Variants in RBBP8 observed in about 807,000 individuals in gnomAD.
RBBP8 encodes DNA endonuclease RBBP8.
Under a neutral mutation model 108.3 loss-of-function variants are expected in RBBP8, and 88 were observed. That is an observed-to-expected ratio of 0.81 (90% CI 0.68 to 0.97). The LOEUF is 0.97. Among genes scored for constraint, RBBP8 ranks in the 50% least tolerant of loss-of-function variants. The pLI is 0.00. For synonymous variants in RBBP8, 332 were observed against 348.2 expected (o/e 0.95, Z 0.52); for missense variants, 1,023 against 1,049.0 (o/e 0.98, Z 0.34).
At chr18:22,980,544 G>A (rs1914837984) in intron 6 of RBBP8, among the ~76,000 whole-genome samples, 1 of 152,074 alleles carries the variant, frequency 6.6e-6, no homozygotes, top group Admixed American at 6.6e-5. Flanking sequence ...GAGTGTGGCA[G>A]GAGTAGAGTA....
At chr18:22,994,349 A>G (rs1329154968) in intron 12 of RBBP8, among the ~76,000 whole-genome samples, 6 of 148,234 alleles carry the variant, frequency 4.0e-5, no homozygotes, top group Non-Finnish European at 9.0e-5. Flanking sequence ...AAACTCCTTT[A>G]AAAACATTGT....
chr18:22,980,592 G>A (rs1050745806), intron 6 of RBBP8, among the ~76,000 whole-genome samples: 19 of 152,002 alleles, frequency 1.2e-4, no homozygotes, highest in Non-Finnish European at 2.2e-4. Flanking sequence ...AATGGGAGGG[G>A]CACCATCAGG....
intron 10 of RBBP8, 68 bp from the exon 11 acceptor site, chr18:22,992,680 C>G: frequency 7.2e-7 from 1 of 1,397,376 alleles, no homozygotes; most frequent in Non-Finnish European, 9.9e-7. Flanking sequence ...TAATCATTTG[C>G]TTCTAAGAGG....
rs1363274262 is a variant in RBBP8 at position 23,026,276 on chromosome 18, T to G, written c.*36T>G. 1 of 1,543,550 alleles carries G rather than the reference T, an allele frequency of 6.5e-7. No homozygotes were observed. Among genetic ancestry groups the G allele is most frequent in the Non-Finnish European group, 8.9e-7 (1 of 1,117,548 alleles). ...AGAAACAGAAGGATGAAGGACAGTTTTTTCCTTCTTAGTTATTTATAGTTA... is the reference window on the plus strand; with the variant it reads ...AGAAACAGAAGGATGAAGGACAGTTGTTTCCTTCTTAGTTATTTATAGTTA... On this transcript the variant is annotated 3_prime_UTR_variant, in exon 19 of 19. Transcript: ENST00000327155.
chr18:23,005,371 A>G (rs983017950), intron 15 of RBBP8, among the ~76,000 whole-genome samples: 1 of 152,176 alleles, frequency 6.6e-6, no homozygotes, highest in African/African-American at 2.4e-5. Context: ...TTGTGTACAT[A>G]TATCAGAGTA....
chr18:22,951,007 A>G (rs1337854193), intron 4 of RBBP8, among the ~76,000 whole-genome samples: 1 of 152,220 alleles, frequency 6.6e-6, no homozygotes, highest in African/African-American at 2.4e-5. Flanking sequence ...AATATTCTTC[A>G]TATGTGCAAA....
chr18:22,974,641 G>A (rs1249788527), intron 5 of RBBP8, among the ~76,000 whole-genome samples: 3 of 152,126 alleles, frequency 2.0e-5, no homozygotes, highest in Non-Finnish European at 4.4e-5. Flanking sequence ...TGTGTTTTTA[G>A]TGGAGACGGG....
Position 22,933,338 on chromosome 18 carries a change from G to C in RBBP8, c.-325G>C, listed in dbSNP as rs1018806178. On this transcript the variant is annotated 5_prime_UTR_variant, in exon 1 of 19. Transcript: ENST00000327155. ...GCAAGTGGAACTCCCGCGTGACGTC[G>C]CGCGGGCTCCCGGGCGGGGCGGGTC... 2.6e-5 allele frequency: 4 copies of C among 152,550 alleles called. No individual in the cohort carries two copies. Among genetic ancestry groups the C allele is most frequent in the Non-Finnish European group, 5.9e-5 (4 of 68,152 alleles). The allele number at this position is 152,550 out of a possible 1,614,324, so 9.4% of individuals were successfully genotyped here.
At chr18:22,969,175 G>GTT (rs112376497) in intron 5 of RBBP8, among the ~76,000 whole-genome samples, 1 of 140,170 alleles carries the variant, frequency 7.1e-6, no homozygotes, top group African/African-American at 2.6e-5. Context: ...AGCAGGTGGT[G>GTT]TTTTTTTTTT....
Position 23,001,387 on chromosome 18 carries a change from A to ATTTG in RBBP8, c.2144-196_2144-193dup, listed in dbSNP as rs1351609657. Among the ~76,000 whole-genome samples, 3 of 152,228 alleles carry ATTTG rather than the reference A, an allele frequency of 2.0e-5. No individual in the cohort carries two copies. The East Asian group carries it at 5.8e-4, about 29-fold the overall frequency. On this transcript the variant is annotated intron_variant, in intron 14 of 18. Coordinates refer to ENST00000327155, the MANE Select transcript of RBBP8 (RefSeq NM_002894.3). ...ACATAGATAAACACGTGTCATGGGAATTTGTTGCACATATTATTACATTAC... is the reference window on the plus strand; with the variant it reads ...ACATAGATAAACACGTGTCATGGGAATTTGTTTGTTGCACATATTATTACATTAC...
chr18:22,989,967 C>T (rs1214024829), intron 9 of RBBP8, among the ~76,000 whole-genome samples: 2 of 152,172 alleles, frequency 1.3e-5, no homozygotes, highest in Non-Finnish European at 2.9e-5. Context: ...CCACATCCAG[C>T]TGTACTCTTA....
intron 12 of RBBP8, among the ~76,000 whole-genome samples, chr18:22,995,567 A>G (rs2045841162): frequency 1.3e-5 from 2 of 152,146 alleles, no homozygotes; most frequent in African/African-American, 2.4e-5. Flanking sequence ...TTCCTTCCCC[A>G]TATACCCTCT....
At chr18:22,937,558 C>G (rs550054663) in intron 2 of RBBP8, among the ~76,000 whole-genome samples, 12 of 150,948 alleles carry the variant, frequency 7.9e-5, no homozygotes, top group African/African-American at 2.9e-4. Context: ...GGTGTGATCA[C>G]AGCTCACTGC....
chr18:23,006,588 G>T (rs746283226), intron 16 of RBBP8, among the ~76,000 whole-genome samples, 156 bp downstream of exon 16: 1 of 151,922 alleles, frequency 6.6e-6, no homozygotes, highest in Non-Finnish European at 1.5e-5. Context: ...TGCAACCTCT[G>T]CCTCCTAGGC....
At chr18:23,019,064 T>C (rs932751946) in intron 17 of RBBP8, among the ~76,000 whole-genome samples, 1 of 152,228 alleles carries the variant, frequency 6.6e-6, no homozygotes, top group Non-Finnish European at 1.5e-5. Context: ...GGGATCACTA[T>C]TTTGAAAAGC....
rs180946777 is a variant in RBBP8 at position 22,956,077 on chromosome 18, A to G, written c.248+6364A>G. On this transcript the variant is annotated intron_variant, in intron 4 of 18. Transcript: ENST00000327155. ...AGGTCTTCAACATTGCCTATTGTAT[A>G]GTCTGTTTCCTTGGAAGGTTTTTTT... Among the ~76,000 whole-genome samples, 543 of 152,174 alleles carry G rather than the reference A, an allele frequency of 3.6e-3. 2 individuals carry two copies. The highest frequency in any genetic ancestry group is 0.012 in the African/African-American group (505 of 41,506).
chr18:23,016,124 G>C (rs978484442), intron 16 of RBBP8, among the ~76,000 whole-genome samples: 2 of 152,040 alleles, frequency 1.3e-5, no homozygotes, highest in Non-Finnish European at 2.9e-5. Context: ...TGGCCAGGCT[G>C]GTCTCGAACT....
chr18:22,963,740 A>G (rs1248903361), intron 4 of RBBP8, among the ~76,000 whole-genome samples: 2 of 152,210 alleles, frequency 1.3e-5, no homozygotes, highest in Non-Finnish European at 2.9e-5. Context: ...GACCTAAAAA[A>G]AGTTTATTTT....
chr18:22,917,627 A>G (rs1909410732), intron 3 of RBBP8, among the ~76,000 whole-genome samples: 2 of 152,210 alleles, frequency 1.3e-5, no homozygotes, highest in South Asian at 4.1e-4. Flanking sequence ...TTTCAGTAAG[A>G]GAAGTCAACT....
Sources: gnomAD v4.1 joint callset for allele counts (sites outside exome capture counted in the v4.1 genomes callset) on GRCh38, gnomAD v4.1.1 for gene constraint, MANE v1.5 for transcripts, NCBI Gene and HGNC (gene_info 2026-07-23, HGNC 2026-07-21) for gene names.